HGSNAT: variants seen among roughly 807,000 people sequenced by gnomAD.
HGSNAT encodes the protein transmembrane protein 76.
Under a neutral mutation model 85.2 loss-of-function variants are expected in HGSNAT, and 59 were observed. That is an observed-to-expected ratio of 0.69 (90% CI 0.56 to 0.86). The LOEUF (loss-of-function observed/expected upper bound fraction) is 0.86, where lower values mean the gene tolerates loss of function less well. HGSNAT is among the 40% of genes least tolerant of loss of function. The pLI is 0.00. For synonymous variants in HGSNAT, 321 were observed against 304.5 expected, an observed-to-expected ratio of 1.05 and a Z score of -0.56; for missense variants, 756 against 777.1, an observed-to-expected ratio of 0.97 and a Z score of 0.32.
rs1227816869 is a variant in HGSNAT at position 43,202,780 on chromosome 8, C to T, written c.*3211C>T. On this transcript the variant is annotated 3_prime_UTR_variant, in exon 18 of 18. Transcript: ENST00000379644. ...AAATTTCAACATGCTGTTACTTTTT[C>T]CTTTTAATGTAATTCTGTTTTCCAA... The T allele has an allele frequency of 6.6e-6, 1 of 152,086 alleles. No homozygotes were observed. Among genetic ancestry groups the T allele is most frequent in the Non-Finnish European group, 1.5e-5 (1 of 68,008 alleles). The allele number at this position is 152,086 out of a possible 1,614,324, so 9.4% of individuals were successfully genotyped here. A position where few individuals can be genotyped will look rare whatever the true frequency, so the allele number is the denominator to read the frequency against.
At chr8:43,191,339 C>T (rs956451665) in intron 11 of HGSNAT, 135 bp from the exon 12 acceptor site, 9 of 985,608 alleles carry the variant, frequency 9.1e-6, no homozygotes, top group African/African-American at 3.2e-5. Context: ...GAGAACCTAA[C>T]GTAGTCAGTA....
Position 43,140,592 on chromosome 8 carries a change from T to A in HGSNAT, c.96T>A (p.Asp32Glu), listed in dbSNP as rs1348055539. 8.1e-7 allele frequency: 1 copy of A among 1,235,288 alleles called. No individual in the cohort carries two copies. The highest frequency in any genetic ancestry group is 1.0e-6 in the Non-Finnish European group (1 of 981,284). The allele number at this position is 1,235,288 out of a possible 1,614,324, so 76.5% of individuals were successfully genotyped here. ...LLAPGGSSGR[D>E]AQAAPPRDLD... ...CCCCCGGCGGCTCTTCGGGGCGCGA[T>A]GCCCAGGCCGCGCCGCCACGAGGTG... The change falls in exon 1 of 18, where the codon GAT becomes GAA. Residue 32 changes from aspartate to glutamate, a missense_variant. Asp to Glu is a conservative substitution (Grantham distance 45). Transcript: ENST00000379644.
At chr8:43,179,335 C>A (rs1425909473) in intron 10 of HGSNAT, among the ~76,000 whole-genome samples, 1 of 147,482 alleles carries the variant, frequency 6.8e-6, no homozygotes, top group South Asian at 2.1e-4. Flanking sequence ...CGCCCCTCAC[C>A]TCCTGGATAG....
intron 14 of HGSNAT, chr8:43,196,614 C>T (rs1184348038): frequency 1.0e-6 from 1 of 978,158 alleles, no homozygotes; most frequent in Non-Finnish European, 1.4e-6. Flanking sequence ...GGTGTGGCTA[C>T]CATGCTTCCC....
rs1197688350 is a variant in HGSNAT, at chr8:43,200,348, GCTGGGTGATGCTGGGCAAGACC to G, written c.*782_*803del. ...CTGTGGGTCCAGCTGAGCCATCCCT[GCTGGGTGATGCTGGGCAAGACC>G]CTTGGCCCGTCTGGGCCTTGGCTTC... On this transcript the variant is annotated 3_prime_UTR_variant, in exon 18 of 18. Transcript: ENST00000379644. 11 of 152,190 alleles carry G rather than the reference GCTGGGTGATGCTGGGCAAGACC, an allele frequency of 7.2e-5. No homozygotes were observed. Among genetic ancestry groups the G allele is most frequent in the African/African-American group, 2.7e-4 (11 of 41,446 alleles). 9.4% of individuals were successfully genotyped at this position (152,190 alleles called of 1,614,324 possible). A position where few individuals can be genotyped will look rare whatever the true frequency, so the allele number is the denominator to read the frequency against.
chr8:43,142,519 AG>A (rs1438452945), intron 1 of HGSNAT, among the ~76,000 whole-genome samples: 3 of 152,162 alleles, frequency 2.0e-5, no homozygotes, highest in Admixed American at 6.5e-5. Context: ...TGAAAAAAAA[AG>A]GTGTCAAAAT....
intron 5 of HGSNAT, chr8:43,167,869 G>A (rs868115407): frequency 5.0e-6 from 1 of 201,434 alleles, no homozygotes. Context: ...TTTATCTTTT[G>A]TTAGTCATGT....
At chr8:43,150,634 C>G (rs1586702817) in intron 2 of HGSNAT, among the ~76,000 whole-genome samples, 1 of 152,178 alleles carries the variant, frequency 6.6e-6, no homozygotes, top group African/African-American at 2.4e-5. Flanking sequence ...GAGATCGAGA[C>G]CATCCTGGCC....
intron 1 of HGSNAT, among the ~76,000 whole-genome samples, chr8:43,141,591 T>C (rs139779479): frequency 0.021 from 3,249 of 152,196 alleles, 169 homozygotes; most frequent in Admixed American, 0.11. Context: ...GGGAGTCACC[T>C]GTCTTTCCCC....
chr8:43,144,489 G>A (rs1183969786), intron 1 of HGSNAT, among the ~76,000 whole-genome samples: 1 of 151,932 alleles, frequency 6.6e-6, no homozygotes, highest in African/African-American at 2.4e-5. Flanking sequence ...ATTTCCCAAC[G>A]GTTTCATGAG....
At chr8:43,175,167 A>C (rs1803765452) in intron 9 of HGSNAT, among the ~76,000 whole-genome samples, 1 of 152,158 alleles carries the variant, frequency 6.6e-6, no homozygotes, top group Non-Finnish European at 1.5e-5. Context: ...GATCTTGGCT[A>C]TTGTGAATAG....
In HGSNAT at chr8:43,178,252, CTG is replaced by C; in HGVS notation, c.1012+20_1012+21del. Reference sequence around the variant, plus strand: ...TGGTCCATGTAAGTACTTTTTCCCTCTGTTATATATATTCAGGTTGAAATATG... The same window carrying C: ...TGGTCCATGTAAGTACTTTTTCCCTCTTATATATATTCAGGTTGAAATATG... On this transcript the variant is annotated intron_variant, in intron 10 of 17. Transcript: ENST00000379644. The C allele has an allele frequency of 6.7e-7, 1 of 1,490,654 alleles. No individual in the cohort carries two copies. Among genetic ancestry groups the C allele is most frequent in the Non-Finnish European group, 8.9e-7 (1 of 1,117,884 alleles). The allele number at this position is 1,490,654 out of a possible 1,614,324, so 92.3% of individuals were successfully genotyped here. A position where few individuals can be genotyped will look rare whatever the true frequency, so the allele number is the denominator to read the frequency against.
In HGSNAT at chr8:43,158,651, G is replaced by C. The variant is rs1586712145; in HGVS notation, c.311G>C (p.Ser104Thr). 2 of 1,613,838 alleles carry C rather than the reference G, an allele frequency of 1.2e-6. No individual in the cohort carries two copies. The highest frequency in any genetic ancestry group is 2.7e-5 in the African/African-American group (2 of 74,930). ...GKPSAAAASV[S>T]TQHGSILQLN... ...CCTAGTGCTGCAGCTGCCTCTGTCA[G>C]CACCCAGCACGGATCTATCCTGCAG... The change falls in exon 3 of 18, where the codon AGC becomes ACC. Residue 104 changes from serine (S) to threonine (T), a missense_variant. Physicochemically the swap from Ser to Thr is moderately conservative, Grantham distance 58 (BLOSUM62 1). Coordinates refer to ENST00000379644, the MANE Select transcript of HGSNAT (RefSeq NM_152419.3).
At chr8:43,196,604 G>A (rs1804735831) in intron 14 of HGSNAT, 1 of 1,063,978 alleles carries the variant, frequency 9.4e-7, no homozygotes, top group Non-Finnish European at 1.3e-6. Context: ...GTGGAGATGT[G>A]GTGTGGCTAC....
chr8:43,170,092 A>G (rs1803565934), intron 6 of HGSNAT, among the ~76,000 whole-genome samples: 1 of 152,236 alleles, frequency 6.6e-6, no homozygotes, highest in African/African-American at 2.4e-5. Flanking sequence ...AAGTGCTGAA[A>G]TCACAGGTGT....
intron 1 of HGSNAT, among the ~76,000 whole-genome samples, chr8:43,141,201 G>T (rs996614737): frequency 6.6e-6 from 1 of 152,282 alleles, no homozygotes; most frequent in African/African-American, 2.4e-5. Context: ...CGCGGAGAAG[G>T]CGGTGGGGGC....
At chr8:43,147,115 G>C in intron 2 of HGSNAT, 52 bp downstream of exon 2, 1 of 1,013,320 alleles carries the variant, frequency 9.9e-7, no homozygotes, top group Non-Finnish European at 1.5e-6. Flanking sequence ...TGTTTGATAT[G>C]ATCCTTAATG....
intron 5 of HGSNAT, among the ~76,000 whole-genome samples, chr8:43,166,395 A>G (rs1401957153): frequency 6.6e-6 from 1 of 152,224 alleles, no homozygotes; most frequent in African/African-American, 2.4e-5. Flanking sequence ...GTTAGGAGCT[A>G]ACGCAACTGG....
At chr8:43,162,334 A>G (rs897448723) in intron 5 of HGSNAT, among the ~76,000 whole-genome samples, 1 of 152,328 alleles carries the variant, frequency 6.6e-6, no homozygotes, top group African/African-American at 2.4e-5. Context: ...TCTTAGAAAT[A>G]GTATAATTCC....
Sources: allele counts gnomAD v4.1 joint callset (sites outside exome capture counted in the v4.1 genomes callset), GRCh38; gene constraint gnomAD v4.1.1; transcripts MANE v1.5; gene names NCBI Gene and HGNC (gene_info 2026-07-23, HGNC 2026-07-21).